TPO: variants seen among roughly 807,000 people sequenced by gnomAD.
The protein encoded by TPO is thyroid microsomal antigen.
A neutral mutation model predicts 96.9 loss-of-function variants in TPO; 78 were observed. The ratio of observed to expected loss-of-function variants is 0.81; its 90% CI spans 0.67 to 0.97. The LOEUF (loss-of-function observed/expected upper bound fraction) is 0.97. Ranked by LOEUF, TPO falls within the 50% of genes least tolerant of loss-of-function variation. The pLI is 0.00. For synonymous variants in TPO, 547 were observed against 538.0 expected (o/e 1.02, Z -0.23); for missense variants, 1,252 against 1,274.8 (o/e 0.98, Z 0.27).
intron 1 of TPO, among the ~76,000 whole-genome samples, chr2:1,384,014 G>T (rs1298783137): frequency 6.6e-6 from 1 of 152,188 alleles, no homozygotes. Context: ...GTTTGTCAAA[G>T]ATCAGATAGT....
chr2:1,498,960 A>G (rs1672616535), intron 13 of TPO, among the ~76,000 whole-genome samples: 1 of 151,606 alleles, frequency 6.6e-6, no homozygotes. Flanking sequence ...AGGGTATAGC[A>G]TGTTGCGTGT....
rs550713396 is a variant in TPO, at chr2:1,460,883, C to G, written c.819+4601C>G. Reference sequence around the variant, plus strand: ...GCTCCACCTTTGGGCTCCCCTGGAGCTGCACTGAGAGAATCACTGTGCGTG... The same window carrying G: ...GCTCCACCTTTGGGCTCCCCTGGAGGTGCACTGAGAGAATCACTGTGCGTG... On this transcript the variant is annotated intron_variant, in intron 7 of 16. Transcript: ENST00000329066. 5.9e-5 allele frequency among the ~76,000 whole-genome samples: 9 copies of G among 152,236 alleles called. No homozygotes were observed. In the East Asian group the frequency reaches 1.7e-3, roughly 29 times the overall value.
intron 9 of TPO, 99 bp downstream of exon 9, chr2:1,484,953 A>T: frequency 6.5e-7 from 1 of 1,542,462 alleles, no homozygotes; most frequent in Non-Finnish European, 8.8e-7. Context: ...CATGTGCACA[A>T]CGTGCAGGTT....
In TPO at chr2:1,538,090, TCCCCACTGTGTGCAACCTCCTCAAATCCC is replaced by T. The variant is rs1680274383; in HGVS notation, c.2619-2502_2619-2474del. ...CACTGTGTGCAGCCTCCTCAAATCCTCCCCACTGTGTGCAACCTCCTCAAATCCCCGCACTGTGTTCAACCTTCTCAAAT... is the reference window on the plus strand; with the variant it reads ...CACTGTGTGCAGCCTCCTCAAATCCTCGCACTGTGTTCAACCTTCTCAAAT... On this transcript the variant is annotated intron_variant, in intron 15 of 16. Coordinates refer to ENST00000329066, the MANE Select transcript of TPO (RefSeq NM_001206744.2). Among the ~76,000 whole-genome samples the T allele has an allele frequency of 1.0e-4, 7 of 67,588 alleles. No individual in the cohort carries two copies. In the South Asian group the frequency reaches 2.1e-3, roughly 20 times the overall value. 44.3% of individuals were successfully genotyped at this position (67,588 alleles called of 152,430 possible).
intron 8 of TPO, among the ~76,000 whole-genome samples, chr2:1,482,391 G>A (rs1452080505): frequency 1.3e-5 from 2 of 152,222 alleles, no homozygotes. Context: ...TGGGGAACCA[G>A]GAGGCTGGGG....
In TPO at chr2:1,487,835, C is replaced by G. The variant is rs1412137786; in HGVS notation, c.1612C>G (p.Leu538Val). Reference sequence around the variant, plus strand: ...GTATTTTCCAGGTGGTTTGGACCCACTAATACGAGGCCTTCTTGCAAGACC... The same window carrying G: ...GTATTTTCCAGGTGGTTTGGACCCAGTAATACGAGGCCTTCTTGCAAGACC... ...TLLRGGGLDP[L>V]IRGLLARPAK... The change falls in exon 10 of 17, where the codon CTA becomes GTA. Residue 538 changes from leucine (L) to valine (V), a missense_variant. Leu to Val is a conservative substitution (Grantham distance 32). Transcript: ENST00000329066. 8.7e-6 allele frequency: 14 copies of G among 1,614,246 alleles called. No individual in the cohort carries two copies. The highest frequency in any genetic ancestry group is 1.2e-5 in the Non-Finnish European group (14 of 1,180,048).
chr2:1,540,844 C>CATTCTATTTCT, intron 16 of TPO, 121 bp downstream of exon 16: 3 of 1,575,286 alleles, frequency 1.9e-6, no homozygotes, highest in Non-Finnish European at 1.7e-6. Context: ...TTTCCTAGTC[C>CATTCTATTTCT]GTTCTGCACC....
At chr2:1,523,441 A>C (rs920538558) in intron 15 of TPO, among the ~76,000 whole-genome samples, 1,541 of 45,950 alleles carry the variant, frequency 0.034, no homozygotes, top group Middle Eastern at 0.13. Flanking sequence ...TCCCCAAATT[A>C]CCCCCACTGT....
chr2:1,481,295 G>T (rs1366319610), intron 8 of TPO, among the ~76,000 whole-genome samples: 1 of 152,236 alleles, frequency 6.6e-6, no homozygotes, highest in Admixed American at 6.5e-5. Flanking sequence ...CAGCACAGGT[G>T]TGAGGGAGGC....
rs569626972 is a variant in TPO, at chr2:1,490,490, A to G, written c.1768+2499A>G. ...ACGAGGGTCCCACACAGGGGGAGTC[A>G]CGACACAGCAGTGTAAGAGCTGCCA... is the stretch of plus-strand genomic sequence containing the variant. On this transcript the variant is annotated intron_variant, in intron 10 of 16. Coordinates refer to ENST00000329066, the MANE Select transcript of TPO (RefSeq NM_001206744.2). Among the ~76,000 whole-genome samples, 285 of 143,156 alleles carry G rather than the reference A, an allele frequency of 2.0e-3. 9 individuals are homozygous for G. Among genetic ancestry groups the G allele is most frequent in the African/African-American group, 7.0e-3 (271 of 38,892 alleles). The allele number at this position is 143,156 out of a possible 152,430, so 93.9% of individuals were successfully genotyped here.
intron 2 of TPO, among the ~76,000 whole-genome samples, chr2:1,417,021 C>G (rs545339192): frequency 3.3e-5 from 5 of 152,210 alleles, no homozygotes; most frequent in Non-Finnish European, 7.3e-5. Flanking sequence ...TTTTATAGAT[C>G]AAAACGTAGA....
chr2:1,527,273 C>CAACCTCCCCAAATCCCCTCACTGTGT (rs1676799067), intron 15 of TPO, among the ~76,000 whole-genome samples: 3 of 121,630 alleles, frequency 2.5e-5, no homozygotes, highest in African/African-American at 1.0e-4. Flanking sequence ...CCACTGTGAG[C>CAACCTCCCCAAATCCCCTCACTGTGT]AACCTCCCCA....
intron 1 of TPO, among the ~76,000 whole-genome samples, chr2:1,390,166 C>T (rs1661978953): frequency 6.6e-6 from 1 of 152,102 alleles, no homozygotes; most frequent in Admixed American, 6.5e-5. Flanking sequence ...CTATCCCCCC[C>T]CAGCTCCCCA....
At chr2:1,479,167 C>T (rs1037295129) in intron 8 of TPO, among the ~76,000 whole-genome samples, 12 of 152,206 alleles carry the variant, frequency 7.9e-5, no homozygotes, top group Non-Finnish European at 7.3e-5. Flanking sequence ...TCCTCGTCTC[C>T]ATGAGTCTGG....
At chr2:1,461,945 C>A (rs911695564) in intron 7 of TPO, among the ~76,000 whole-genome samples, 1 of 152,194 alleles carries the variant, frequency 6.6e-6, no homozygotes, top group East Asian at 1.9e-4. Flanking sequence ...CTGGCTCCTT[C>A]GGGGCTCCCT....
At position 1,453,839 on chromosome 2, in the gene TPO, G is replaced by A. The variant is rs186949295; in HGVS notation, c.612+16G>A. 22 of 1,613,588 alleles carry A rather than the reference G, an allele frequency of 1.4e-5. No individual in the cohort carries two copies. Among genetic ancestry groups the A allele is most frequent in the East Asian group, 1.3e-4 (6 of 44,866 alleles). ...ACTGCCCCCGGTGGGTACTCAGAAC[G>A]CTACTATCCTGGACTAAGATTGGGT... On this transcript the variant is annotated intron_variant, in intron 6 of 16. Transcript: ENST00000329066.
chr2:1,396,624 C>T (rs1408263508), intron 1 of TPO, among the ~76,000 whole-genome samples: 1 of 152,138 alleles, frequency 6.6e-6, no homozygotes, highest in Admixed American at 6.6e-5. Flanking sequence ...CTGTTCTTTC[C>T]CTCAGATGCG....
intron 15 of TPO, among the ~76,000 whole-genome samples, chr2:1,537,898 A>C (rs182186831): frequency 9.2e-4 from 49 of 53,446 alleles, no homozygotes; most frequent in East Asian, 1.5e-3. Context: ...TCAAATCCCC[A>C]CCACTCTGTG....
chr2:1,491,381 A>G (rs1671759389), intron 10 of TPO, among the ~76,000 whole-genome samples: 1 of 152,200 alleles, frequency 6.6e-6, no homozygotes, highest in Non-Finnish European at 1.5e-5. Context: ...CTCTTAGAGC[A>G]ATAAGAAAGG....
Sources: gnomAD v4.1 joint callset for allele counts (sites outside exome capture counted in the v4.1 genomes callset) on GRCh38, gnomAD v4.1.1 for gene constraint, MANE v1.5 for transcripts, NCBI Gene and HGNC (gene_info 2026-07-23, HGNC 2026-07-21) for gene names.